PLEKHA6: variants seen among roughly 807,000 people sequenced by gnomAD.
The protein encoded by PLEKHA6 is pleckstrin homology domain containing A6, also known as pleckstrin homology domain-containing family A member 6.
In PLEKHA6, 60 loss-of-function variants were observed where a neutral mutation model predicts 116.7. That is an observed-to-expected ratio of 0.51 (90% CI 0.42 to 0.64). PLEKHA6 has a LOEUF of 0.64. PLEKHA6 is among the 30% of genes least tolerant of loss of function. The pLI, the probability that PLEKHA6 is intolerant of heterozygous loss-of-function variation, is 0.00. For missense variants in PLEKHA6, 1,338 were observed against 1,422.7 expected (o/e 0.94, Z 0.96); for synonymous variants, 489 against 556.1 (o/e 0.88, Z 1.70).
At chr1:204,275,581 C>T (rs908384340) in intron 1 of PLEKHA6, 11 of 399,702 alleles carry the variant, frequency 2.8e-5, no homozygotes, top group African/African-American at 1.5e-4. Flanking sequence ...GGAGCAGCAT[C>T]GTGGAGCCTC....
intron 15 of PLEKHA6, among the ~76,000 whole-genome samples, chr1:204,242,870 G>C (rs986162690): frequency 6.6e-6 from 1 of 152,240 alleles, no homozygotes; most frequent in Non-Finnish European, 1.5e-5. Context: ...TGAGCCTGGG[G>C]TTGGAGCAGT....
chr1:204,268,340 G>A (rs752096807), intron 3 of PLEKHA6, 28 bp from the exon 4 acceptor site: 10 of 1,513,228 alleles, frequency 6.6e-6, no homozygotes, highest in Non-Finnish European at 9.1e-6. Flanking sequence ...AGCTGATCTA[G>A]GTCCCCAGTC....
intron 1 of PLEKHA6, among the ~76,000 whole-genome samples, chr1:204,327,750 C>G (rs542195431): frequency 6.6e-6 from 1 of 152,226 alleles, no homozygotes; most frequent in African/African-American, 2.4e-5. Flanking sequence ...CAAGAGACAG[C>G]CCAGGCCTCC....
chr1:204,345,313 C>G (rs760695728), intron 1 of PLEKHA6, among the ~76,000 whole-genome samples: 67 of 152,162 alleles, frequency 4.4e-4, no homozygotes, highest in Non-Finnish European at 7.4e-4. Context: ...CACTCTACCC[C>G]CTCCCTGCAG....
At chr1:204,232,953 A>C (rs1196463790) in intron 17 of PLEKHA6, among the ~76,000 whole-genome samples, 2 of 152,086 alleles carry the variant, frequency 1.3e-5, no homozygotes, top group Non-Finnish European at 2.9e-5. Flanking sequence ...TTACTTTTTA[A>C]AATTTTTATT....
intron 1 of PLEKHA6, among the ~76,000 whole-genome samples, chr1:204,288,741 T>A (rs934237548): frequency 7.9e-5 from 12 of 152,284 alleles, no homozygotes; most frequent in African/African-American, 2.9e-4. Context: ...GAGGGTTTGT[T>A]TTTATTTTTA....
At chr1:204,337,332 G>A (rs1311541551) in intron 1 of PLEKHA6, among the ~76,000 whole-genome samples, 1 of 152,140 alleles carries the variant, frequency 6.6e-6, no homozygotes, top group Admixed American at 6.5e-5. Context: ...GGAAGCAAAA[G>A]ACATAAATTG....
intron 1 of PLEKHA6, among the ~76,000 whole-genome samples, chr1:204,303,152 A>G (rs2103098654): frequency 6.6e-6 from 1 of 152,210 alleles, no homozygotes; most frequent in Non-Finnish European, 1.5e-5. Flanking sequence ...CTGACCCATC[A>G]CTATCTAGAA....
chr1:204,248,155 CTTTTTTTTTTT>C (rs34335278), intron 12 of PLEKHA6, among the ~76,000 whole-genome samples: 1 of 95,242 alleles, frequency 1.0e-5, no homozygotes, highest in Non-Finnish European at 1.9e-5. Context: ...GGGCAGCAGC[CTTTTTTTTTTT>C]TTTTTTTTTG....
chr1:204,352,461 C>T (rs2942137), intron 1 of PLEKHA6, among the ~76,000 whole-genome samples: 6,353 of 152,232 alleles, frequency 0.042, 138 homozygotes, highest in African/African-American at 0.05. Context: ...TACTCCTTGC[C>T]GCTGCGGAGA....
chr1:204,271,649 T>C, intron 3 of PLEKHA6, among the ~76,000 whole-genome samples: 1 of 152,094 alleles, frequency 6.6e-6, no homozygotes, highest in South Asian at 2.1e-4. Context: ...TCCCACTGAC[T>C]CCTGAATATC....
At position 204,277,814 on chromosome 1, in the gene PLEKHA6, G is replaced by A. The variant is rs4474319; in HGVS notation, c.-94-3005C>T. 0.18 allele frequency: 27,355 copies of A among 152,178 alleles called. 2,585 individuals carry two copies. The highest frequency in any genetic ancestry group is 0.28 in the East Asian group (1,466 of 5,168). 9.4% of individuals were successfully genotyped at this position (152,178 alleles called of 1,614,324 possible). A position where few individuals can be genotyped will look rare whatever the true frequency, so the allele number is the denominator to read the frequency against. ...GACTTGCTCCCCTCAGACAGCACGG[G>A]GTTGCTTTCCCTCCCTGTGTGGCAG... On this transcript the variant is annotated intron_variant, in intron 1 of 22. Transcript: ENST00000272203. The surrounding 1 kb of genome is among the most constrained non-coding windows in gnomAD (Gnocchi z 4.1).
At chr1:204,351,521 G>A (rs1028666015) in intron 1 of PLEKHA6, among the ~76,000 whole-genome samples, 2 of 152,342 alleles carry the variant, frequency 1.3e-5, no homozygotes, top group Non-Finnish European at 2.9e-5. Flanking sequence ...GTGTGTCAGC[G>A]TGCAGATGTG....
intron 1 of PLEKHA6, among the ~76,000 whole-genome samples, chr1:204,309,984 A>G (rs1284936324): frequency 6.6e-6 from 1 of 152,178 alleles, no homozygotes. Context: ...ACTTGTGGAC[A>G]CTAAAATTTG....
intron 1 of PLEKHA6, among the ~76,000 whole-genome samples, chr1:204,319,199 G>A (rs561612409): frequency 3.5e-4 from 54 of 152,288 alleles, no homozygotes; most frequent in African/African-American, 1.3e-3. Flanking sequence ...TCCCCGTGAG[G>A]CGCCCACAGT....
intron 1 of PLEKHA6, chr1:204,313,494 C>A: frequency 1.1e-6 from 1 of 887,588 alleles, no homozygotes; most frequent in Non-Finnish European, 1.4e-6. Context: ...AGAGCACAAA[C>A]CACAGCCAGG....
chr1:204,243,069 C>T (rs1488503234), intron 15 of PLEKHA6: 3 of 399,074 alleles, frequency 7.5e-6, no homozygotes, highest in African/African-American at 2.1e-5. Flanking sequence ...GCCCTTTGCC[C>T]ATTGTCCCCT....
At chr1:204,333,639 C>T (rs949500739) in intron 1 of PLEKHA6, among the ~76,000 whole-genome samples, 1 of 152,136 alleles carries the variant, frequency 6.6e-6, no homozygotes, top group African/African-American at 2.4e-5. Context: ...CAGCTGGGAA[C>T]CCAAATCTTT....
In PLEKHA6 at chr1:204,277,327, AG is replaced by A. The variant is rs1668120146; in HGVS notation, c.-94-2519del. Among the ~76,000 whole-genome samples the A allele has an allele frequency of 6.6e-6, 1 of 152,172 alleles. No individual in the cohort carries two copies. The highest frequency in any genetic ancestry group is 6.5e-5 in the Admixed American group (1 of 15,270). ...CAGAGGACTGGAGGCAGAATAAACA[AG>A]GAGGGGATGATATCCTCCCCATTCA... is the stretch of plus-strand genomic sequence containing the variant. On this transcript the variant is annotated intron_variant, in intron 1 of 22. Coordinates refer to ENST00000272203, the MANE Select transcript of PLEKHA6 (RefSeq NM_014935.5). This position sits in a 1 kb window ranked among gnomAD's most constrained non-coding sequence, Gnocchi z 4.1.
Sources: allele counts gnomAD v4.1 joint callset (sites outside exome capture counted in the v4.1 genomes callset), GRCh38; gene constraint gnomAD v4.1.1; non-coding constraint Gnocchi (gnomAD v3.1); transcripts MANE v1.5; gene names NCBI Gene and HGNC (gene_info 2026-07-23, HGNC 2026-07-21).